CEP63: variants seen among roughly 807,000 people sequenced by gnomAD.
CEP63 encodes the protein centrosomal protein of 63 kDa.
Under a neutral mutation model 89.1 loss-of-function variants are expected in CEP63, and 84 were observed. The observed-to-expected ratio is 0.94, with a 90% CI of 0.79 to 1.13. CEP63 has a LOEUF of 1.13. Among genes scored for constraint, CEP63 ranks in the 50% most tolerant of loss-of-function variants. The probability of loss-of-function intolerance (pLI) is 0.00; values close to 1 mark genes in which losing one functional copy is unlikely to be tolerated. For synonymous variants in CEP63, 267 were observed against 272.5 expected (o/e 0.98, Z 0.20); for missense variants, 838 against 813.3 (o/e 1.03, Z -0.37).
chr3:134,628,649 G>A, the CEP63 span, among the ~76,000 whole-genome samples: 1 of 152,312 alleles, frequency 6.6e-6, no homozygotes, highest in Middle Eastern at 3.4e-3. Flanking sequence ...GGTTCGAAAT[G>A]ATAGCTAGCA....
At chr3:134,600,397 T>G in the CEP63 span, among the ~76,000 whole-genome samples, 1 of 152,226 alleles carries the variant, frequency 6.6e-6, no homozygotes, top group African/African-American at 2.4e-5. Context: ...AAATCCTTCA[T>G]GCTTCAGTTA....
chr3:134,507,379 T>A, intron 3 of CEP63, 93 bp downstream of exon 3: 1 of 928,126 alleles, frequency 1.1e-6, no homozygotes, highest in Non-Finnish European at 1.7e-6. Context: ...AAAGAATTTG[T>A]ATACCAAGTT....
At chr3:134,717,726 T>C in the CEP63 span, among the ~76,000 whole-genome samples, 2 of 152,236 alleles carry the variant, frequency 1.3e-5, no homozygotes, top group African/African-American at 4.8e-5. Flanking sequence ...ACAAAAGGCA[T>C]TTTTGAGGCA....
At chr3:134,706,366 TAC>T in the CEP63 span, among the ~76,000 whole-genome samples, 1 of 152,210 alleles carries the variant, frequency 6.6e-6, no homozygotes, top group Admixed American at 6.5e-5. Flanking sequence ...ATTTTACTTA[TAC>T]AGGTCTCAGT....
At chr3:134,561,048 G>A (rs970277283) in intron 14 of CEP63, among the ~76,000 whole-genome samples, 3 of 152,202 alleles carry the variant, frequency 2.0e-5, no homozygotes, top group African/African-American at 7.2e-5. Flanking sequence ...ACATACTTAG[G>A]TTTTTAAAGT....
At chr3:134,718,784 T>C in the CEP63 span, among the ~76,000 whole-genome samples, 1 of 152,220 alleles carries the variant, frequency 6.6e-6, no homozygotes. Context: ...ATCTGAGCCT[T>C]GGATTCCAAA....
rs528770891 is a variant in CEP63 at position 134,487,850 on chromosome 3, A to G, written c.-26+1648A>G. Reference sequence around the variant, plus strand: ...ACCAAAATCCCACAGGGATCTGCCTATTGTGTTTGGGTGATGCACATTTGA... The same window carrying G: ...ACCAAAATCCCACAGGGATCTGCCTGTTGTGTTTGGGTGATGCACATTTGA... On this transcript the variant is annotated intron_variant, in intron 1 of 14. Coordinates refer to ENST00000675561, the MANE Select transcript of CEP63 (RefSeq NM_001353108.3). 3.3e-5 allele frequency among the ~76,000 whole-genome samples: 5 copies of G among 152,316 alleles called. No homozygotes were observed. In the East Asian group the frequency reaches 5.8e-4, roughly 18 times the overall value.
chr3:134,574,835 G>A (rs936610891), exon 12 of CEP63: 14 of 634,382 alleles, frequency 2.2e-5, no homozygotes, highest in African/African-American at 3.7e-5. Flanking sequence ...TTTGAACTTC[G>A]GGATTCAAGC....
chr3:134,601,726 T>C, the CEP63 span, among the ~76,000 whole-genome samples: 2 of 152,230 alleles, frequency 1.3e-5, no homozygotes, highest in Admixed American at 1.3e-4. Flanking sequence ...GACACCCCTT[T>C]TGCTCGAGGC....
the CEP63 span, among the ~76,000 whole-genome samples, chr3:134,726,465 C>G: frequency 1.4e-5 from 2 of 142,258 alleles, no homozygotes; most frequent in Non-Finnish European, 3.0e-5. Context: ...GACAGACACA[C>G]ACACACACAC....
chr3:134,534,946 C>T (rs1950499139), intron 5 of CEP63, among the ~76,000 whole-genome samples: 1 of 152,108 alleles, frequency 6.6e-6, no homozygotes, highest in African/African-American at 2.4e-5. Flanking sequence ...TGCATCTGTG[C>T]CCATGTACCC....
At chr3:134,665,692 CACACACACACAGAG>C in the CEP63 span, among the ~76,000 whole-genome samples, 1 of 90,016 alleles carries the variant, frequency 1.1e-5, no homozygotes, top group African/African-American at 3.7e-5. Context: ...CACACACACA[CACACACACACAGAG>C]AGAGAGAGAG....
At chr3:134,588,453 G>A (rs1236573800), downstream of CEP63, among the ~76,000 whole-genome samples, 5 of 151,988 alleles carry the variant, frequency 3.3e-5, no homozygotes, top group African/African-American at 4.8e-5. Flanking sequence ...CTAAGTGTTC[G>A]GAAATTAGGC....
At chr3:134,660,788 T>G in the CEP63 span, among the ~76,000 whole-genome samples, 32 of 152,284 alleles carry the variant, frequency 2.1e-4, no homozygotes, top group Admixed American at 2.0e-3. Context: ...ATTTCCAATC[T>G]TTGGTGTTGA....
chr3:134,721,545 G>A, the CEP63 span, among the ~76,000 whole-genome samples: 1 of 152,112 alleles, frequency 6.6e-6, no homozygotes, highest in African/African-American at 2.4e-5. Context: ...ACTTGTTCCT[G>A]ATCTTTGAGG....
chr3:134,621,703 A>G, the CEP63 span, among the ~76,000 whole-genome samples: 1 of 152,258 alleles, frequency 6.6e-6, no homozygotes, highest in East Asian at 1.9e-4. Context: ...AACAAAGGAA[A>G]AAACAGATAA....
chr3:134,630,505 G>A, the CEP63 span, among the ~76,000 whole-genome samples: 984 of 152,322 alleles, frequency 6.5e-3, 11 homozygotes, highest in African/African-American at 0.022. Flanking sequence ...TTTGGGTAGA[G>A]GAATGAGAAA....
chr3:134,502,174 A>G lies in CEP63; in HGVS notation c.45-4935A>G, dbSNP rs947851668. 2.0e-5 allele frequency among the ~76,000 whole-genome samples: 3 copies of G among 152,224 alleles called. No individual in the cohort carries two copies. The South Asian group carries it at 6.2e-4, about 32-fold the overall frequency. On this transcript the variant is annotated intron_variant, in intron 2 of 14. Coordinates refer to ENST00000675561, the MANE Select transcript of CEP63 (RefSeq NM_001353108.3). ...GTTGAACCATCCTTGCATCCCAGGAATAAAGCCCACTTGATTGTGATGGAT... is the reference window on the plus strand; with the variant it reads ...GTTGAACCATCCTTGCATCCCAGGAGTAAAGCCCACTTGATTGTGATGGAT...
At chr3:134,645,048 AG>A in the CEP63 span, among the ~76,000 whole-genome samples, 1 of 152,234 alleles carries the variant, frequency 6.6e-6, no homozygotes, top group Non-Finnish European at 1.5e-5. Context: ...ATCCTCAAGG[AG>A]GGTGATTGGC....
Sources: allele counts gnomAD v4.1 joint callset (sites outside exome capture counted in the v4.1 genomes callset), GRCh38; gene constraint gnomAD v4.1.1; transcripts MANE v1.5; gene names NCBI Gene and HGNC (gene_info 2026-07-23, HGNC 2026-07-21).